MRPL42: variants seen among roughly 807,000 people sequenced by gnomAD.
MRPL42 encodes the protein mitochondrial ribosomal protein L42.
In MRPL42, 17 loss-of-function variants were observed where a neutral mutation model predicts 17.9. The ratio of observed to expected loss-of-function variants is 0.95; its 90% CI spans 0.65 to 1.42. The LOEUF (loss-of-function observed/expected upper bound fraction) is 1.42, where lower values mean the gene tolerates loss of function less well. Ranked by LOEUF, MRPL42 falls within the 40% of genes most tolerant of loss-of-function variation. The pLI is 0.00. For missense variants in MRPL42, 177 were observed against 175.2 expected, an observed-to-expected ratio of 1.01 and a Z score of -0.06; for synonymous variants, 59 against 54.4, an observed-to-expected ratio of 1.08 and a Z score of -0.37.
chr12:93,480,273 A>G (rs1222419140), intron 4 of MRPL42, among the ~76,000 whole-genome samples: 1 of 151,736 alleles, frequency 6.6e-6, no homozygotes, highest in Non-Finnish European at 1.5e-5. Context: ...GGCACCTGCC[A>G]CCACGCCCGG....
chr12:93,479,905 CTTTATT>C (rs1880377175), intron 4 of MRPL42, among the ~76,000 whole-genome samples: 3 of 131,568 alleles, frequency 2.3e-5, no homozygotes, highest in African/African-American at 5.7e-5. Context: ...TGGTGAATTT[CTTTATT>C]TTTATGTTTT....
intron 5 of MRPL42, among the ~76,000 whole-genome samples, chr12:93,489,588 C>T (rs980357124): frequency 4.6e-5 from 7 of 151,946 alleles, no homozygotes; most frequent in Non-Finnish European, 1.5e-5. Context: ...GGCTGGAGTG[C>T]AGTGGTGTGA....
Position 93,490,743 on chromosome 12 carries a change from T to C in MRPL42, c.383+3083T>C, listed in dbSNP as rs114160860. 2.9e-3 allele frequency among the ~76,000 whole-genome samples: 448 copies of C among 152,320 alleles called. 2 individuals carry two copies. Among genetic ancestry groups the C allele is most frequent in the African/African-American group, 0.01 (436 of 41,584 alleles). ...TTCATTTTAAACCTCATTTAATATATAGAAGGATGATTTACTAAATATTTC... is the reference window on the plus strand; with the variant it reads ...TTCATTTTAAACCTCATTTAATATACAGAAGGATGATTTACTAAATATTTC... On this transcript the variant is annotated intron_variant, in intron 5 of 5. Transcript: ENST00000549982.
chr12:93,502,373 A>G lies in MRPL42; in HGVS notation c.*1152A>G, dbSNP rs1953608930. 6.6e-6 allele frequency: 1 copy of G among 152,338 alleles called. No homozygotes were observed. The highest frequency in any genetic ancestry group is 3.4e-3 in the Middle Eastern group (1 of 294). The allele number at this position is 152,338 out of a possible 1,614,324, so 9.4% of individuals were successfully genotyped here. ...GGTGAAGAATCTTTTAATAAGGTAG[A>G]AAGTTGCTTTATTTAAATTTGTACT... On this transcript the variant is annotated 3_prime_UTR_variant, in exon 6 of 6. Transcript: ENST00000549982.
rs1261851371 is a variant in MRPL42, at chr12:93,501,484, A to G, written c.*263A>G. On this transcript the variant is annotated 3_prime_UTR_variant, in exon 6 of 6. Transcript: ENST00000549982. ...GACTTTTCCATAGTGCCAAAGCCAT[A>G]CATATTCAGTAGAACATCAATAAAT... 2 of 255,746 alleles carry G rather than the reference A, an allele frequency of 7.8e-6. No homozygotes were observed. Among genetic ancestry groups the G allele is most frequent in the African/African-American group, 2.2e-5 (1 of 44,870 alleles). The allele number at this position is 255,746 out of a possible 1,614,324, so 15.8% of individuals were successfully genotyped here.
chr12:93,474,628 T>G (rs1880072488), intron 2 of MRPL42, among the ~76,000 whole-genome samples: 1 of 150,116 alleles, frequency 6.7e-6, no homozygotes, highest in Non-Finnish European at 1.5e-5. Flanking sequence ...TTAAAGATAA[T>G]ATCTCACTGT....
Position 93,511,005 on chromosome 12 carries a change from T to TA in MRPL42, c.*9785dup, listed in dbSNP as rs1442822483. 1 of 152,210 alleles carries TA rather than the reference T, an allele frequency of 6.6e-6. No individual in the cohort carries two copies. Among genetic ancestry groups the TA allele is most frequent in the Non-Finnish European group, 1.5e-5 (1 of 68,044 alleles). 9.4% of individuals were successfully genotyped at this position (152,210 alleles called of 1,614,324 possible). A position where few individuals can be genotyped will look rare whatever the true frequency, so the allele number is the denominator to read the frequency against. On this transcript the variant is annotated 3_prime_UTR_variant, in exon 6 of 6. Coordinates refer to ENST00000549982, the MANE Select transcript of MRPL42 (RefSeq NM_014050.4). ...GCAAAATAACTTCACTGGCTTTTTT[T>TA]ATCAAGAAAAGACTTACCTTTTCTG...
intron 5 of MRPL42, chr12:93,500,665 C>T (rs1395899632): frequency 1.3e-5 from 2 of 152,256 alleles, no homozygotes; most frequent in African/African-American, 4.8e-5. Context: ...AAGCCTAAAT[C>T]TCACCAGATG....
In MRPL42 at chr12:93,503,525, T is replaced by C. The variant is rs1953627462; in HGVS notation, c.*2304T>C. The stretch of plus-strand genomic sequence containing the variant: ...CCTCCCGAATTGCTGAGACTACACA[T>C]GTGTGCTACCATGCCTGGCTAATTG... On this transcript the variant is annotated 3_prime_UTR_variant, in exon 6 of 6. Transcript: ENST00000549982. 1 of 151,948 alleles carries C rather than the reference T, an allele frequency of 6.6e-6. No individual in the cohort carries two copies. Among genetic ancestry groups the C allele is most frequent in the African/African-American group, 2.4e-5 (1 of 41,344 alleles). 9.4% of individuals were successfully genotyped at this position (151,948 alleles called of 1,614,324 possible). A position where few individuals can be genotyped will look rare whatever the true frequency, so the allele number is the denominator to read the frequency against.
rs1953652156 is a variant in MRPL42, at chr12:93,504,905, TTCTA to T, written c.*3685_*3688del. ...CCTGTCTGACTACGTGTATCACTGT[TTCTA>T]CCGCCTAACATTGCCTAGCACATTC... On this transcript the variant is annotated 3_prime_UTR_variant, in exon 6 of 6. Coordinates refer to ENST00000549982, the MANE Select transcript of MRPL42 (RefSeq NM_014050.4). 1 of 152,222 alleles carries T rather than the reference TTCTA, an allele frequency of 6.6e-6. No homozygotes were observed. The highest frequency in any genetic ancestry group is 1.5e-5 in the Non-Finnish European group (1 of 68,042). 9.4% of individuals were successfully genotyped at this position (152,222 alleles called of 1,614,324 possible). A position where few individuals can be genotyped will look rare whatever the true frequency, so the allele number is the denominator to read the frequency against.
At chr12:93,479,150 T>C (rs11107044) in intron 3 of MRPL42, among the ~76,000 whole-genome samples, 2 of 151,030 alleles carry the variant, frequency 1.3e-5, no homozygotes, top group African/African-American at 2.4e-5. Flanking sequence ...CTTGAACTCC[T>C]GACCTCAAGC....
Position 93,514,647 on chromosome 12 carries a change from G to C in MRPL42, c.*13426G>C, listed in dbSNP as rs150265906. On this transcript the variant is annotated 3_prime_UTR_variant, in exon 6 of 6. Coordinates refer to ENST00000549982, the MANE Select transcript of MRPL42 (RefSeq NM_014050.4). ...GTCTGCTTATGGTTTATAATCCTCA[G>C]ACTTGATTCTCCCCCTGAATCTATA... 2 of 152,130 alleles carry C rather than the reference G, an allele frequency of 1.3e-5. No homozygotes were observed. Among genetic ancestry groups the C allele is most frequent in the East Asian group, 3.9e-4 (2 of 5,182 alleles). 9.4% of individuals were successfully genotyped at this position (152,130 alleles called of 1,614,324 possible). A position where few individuals can be genotyped will look rare whatever the true frequency, so the allele number is the denominator to read the frequency against.
At chr12:93,500,879 T>C (rs1481207036) in intron 5 of MRPL42, 1 of 210,430 alleles carries the variant, frequency 4.8e-6, no homozygotes, top group Non-Finnish European at 9.4e-6. Flanking sequence ...GGAGCCCTTG[T>C]GCCAGGAGTT....
rs1491416233 is a variant in MRPL42 at position 93,504,002 on chromosome 12, T to TC, written c.*2782dup. 1 of 86,592 alleles carries TC rather than the reference T, an allele frequency of 1.2e-5. No homozygotes were observed. The highest frequency in any genetic ancestry group is 2.8e-5 in the Non-Finnish European group (1 of 36,338). The allele number at this position is 86,592 out of a possible 1,614,324, so 5.4% of individuals were successfully genotyped here. A position where few individuals can be genotyped will look rare whatever the true frequency, so the allele number is the denominator to read the frequency against. On this transcript the variant is annotated 3_prime_UTR_variant, in exon 6 of 6. Coordinates refer to ENST00000549982, the MANE Select transcript of MRPL42 (RefSeq NM_014050.4). ...TTATTTTTTTTTTAAATTTATTTCT[T>TC]CTTTTTTTTTTCTTATAATCTCATC...
intron 1 of MRPL42, among the ~76,000 whole-genome samples, chr12:93,468,127 G>C (rs771009041): frequency 3.6e-4 from 55 of 152,190 alleles, no homozygotes; most frequent in Non-Finnish European, 1.8e-4. Flanking sequence ...TGGAGATGCT[G>C]CTTCACACAC....
rs1281011418 is a variant in MRPL42, at chr12:93,511,332, A to G, written c.*10111A>G. 6.6e-6 allele frequency: 1 copy of G among 152,236 alleles called. No individual in the cohort carries two copies. Among genetic ancestry groups the G allele is most frequent in the Non-Finnish European group, 1.5e-5 (1 of 68,036 alleles). The allele number at this position is 152,236 out of a possible 1,614,324, so 9.4% of individuals were successfully genotyped here. ...TAAGTAATTAAAAAACTGAAAGCAC[A>G]GATATTCATTATTTCACAAATAAAC... On this transcript the variant is annotated 3_prime_UTR_variant, in exon 6 of 6. Transcript: ENST00000549982.
rs1953707041 is a variant in MRPL42 at position 93,509,547 on chromosome 12, C to CTAAG, written c.*8326_*8327insTAAG. 1 of 151,902 alleles carries CTAAG rather than the reference C, an allele frequency of 6.6e-6. No individual in the cohort carries two copies. Among genetic ancestry groups the CTAAG allele is most frequent in the African/African-American group, 2.4e-5 (1 of 41,320 alleles). 9.4% of individuals were successfully genotyped at this position (151,902 alleles called of 1,614,324 possible). A position where few individuals can be genotyped will look rare whatever the true frequency, so the allele number is the denominator to read the frequency against. ...ACTCAGGAGGCTAAGACAGGAGGAT[C>CTAAG]ACTTGAGTCCAGAAGTTCTGGGTTG... On this transcript the variant is annotated 3_prime_UTR_variant, in exon 6 of 6. Transcript: ENST00000549982.
rs1261599444 is a variant in MRPL42 at position 93,512,986 on chromosome 12, AATT to A, written c.*11767_*11769del. On this transcript the variant is annotated 3_prime_UTR_variant, in exon 6 of 6. Transcript: ENST00000549982. ...AAAGTGAATATTCTGAGTATGCTGA[AATT>A]AGTTTAAAAACTTTTTTTTCCCATT... The A allele has an allele frequency of 6.6e-6, 1 of 152,160 alleles. No individual in the cohort carries two copies. Among genetic ancestry groups the A allele is most frequent in the African/African-American group, 2.4e-5 (1 of 41,430 alleles). 9.4% of individuals were successfully genotyped at this position (152,160 alleles called of 1,614,324 possible).
In MRPL42 at chr12:93,500,995, A is replaced by G. The variant is rs566854592; in HGVS notation, c.384-181A>G. 93 of 521,942 alleles carry G rather than the reference A, an allele frequency of 1.8e-4. 1 individual carries two copies. The highest frequency in any genetic ancestry group is 1.1e-3 in the South Asian group (45 of 39,868). 32.3% of individuals were successfully genotyped at this position (521,942 alleles called of 1,614,324 possible). On this transcript the variant is annotated intron_variant, in intron 5 of 5. Coordinates refer to ENST00000549982, the MANE Select transcript of MRPL42 (RefSeq NM_014050.4). ...AGAAAAAAAAAATGATTAGGTAAAG[A>G]AAAGAAAACAAATTTTCACAATGGG... is the stretch of plus-strand genomic sequence containing the variant.
Sources: gnomAD v4.1 joint callset for allele counts (sites outside exome capture counted in the v4.1 genomes callset) on GRCh38, gnomAD v4.1.1 for gene constraint, MANE v1.5 for transcripts, NCBI Gene and HGNC (gene_info 2026-07-23, HGNC 2026-07-21) for gene names.